Variants in FANK1 observed in about 807,000 individuals in gnomAD.
FANK1 encodes fibronectin type III and ankyrin repeat domains 1.
Under a neutral mutation model 45.3 loss-of-function variants are expected in FANK1, and 44 were observed. That is an observed-to-expected ratio of 0.97 (90% CI 0.76 to 1.25). FANK1 has a LOEUF of 1.25. FANK1 is among the 50% of genes most tolerant of loss of function. FANK1 has a pLI of 0.00. For missense variants in FANK1, 391 were observed against 424.4 expected (o/e 0.92, Z 0.69); for synonymous variants, 149 against 152.5 (o/e 0.98, Z 0.17).
chr10:125,964,676 TA>T (rs1450033977), intron 1 of FANK1, among the ~76,000 whole-genome samples: 2 of 152,226 alleles, frequency 1.3e-5, no homozygotes, highest in Non-Finnish European at 2.9e-5. Context: ...GCCATTTCAG[TA>T]GTTTTCCATT....
In FANK1 at chr10:125,896,591, G is replaced by C; in HGVS notation, c.-52G>C. On this transcript the variant is annotated 5_prime_UTR_variant, in exon 1 of 11. Coordinates refer to ENST00000368693, the MANE Select transcript of FANK1 (RefSeq NM_145235.5). Reference sequence around the variant, plus strand: ...CCGTAGCGACGCCGGCCCTGGCTGAGAGGCGTTAGGAGTCCGGGGGTTCGC... The same window carrying C: ...CCGTAGCGACGCCGGCCCTGGCTGACAGGCGTTAGGAGTCCGGGGGTTCGC... 3 of 1,261,668 alleles carry C rather than the reference G, an allele frequency of 2.4e-6. No individual in the cohort carries two copies. Among genetic ancestry groups the C allele is most frequent in the Non-Finnish European group, 3.0e-6 (3 of 999,962 alleles). The allele number at this position is 1,261,668 out of a possible 1,614,324, so 78.2% of individuals were successfully genotyped here.
chr10:125,942,066 T>C (rs1359861315), intron 1 of FANK1, among the ~76,000 whole-genome samples: 2 of 152,194 alleles, frequency 1.3e-5, no homozygotes, highest in Non-Finnish European at 2.9e-5. Context: ...CACACACCCT[T>C]CTGATGTGAA....
At chr10:125,966,336 T>G (rs1950200203) in intron 1 of FANK1, among the ~76,000 whole-genome samples, 1 of 152,108 alleles carries the variant, frequency 6.6e-6, no homozygotes, top group South Asian at 2.1e-4. Context: ...GACTTGCCTC[T>G]TTATCCCGAG....
At chr10:126,000,477 A>G (rs1414427348) in intron 6 of FANK1, among the ~76,000 whole-genome samples, 1 of 152,240 alleles carries the variant, frequency 6.6e-6, no homozygotes, top group Non-Finnish European at 1.5e-5. Flanking sequence ...TGATAGAAGT[A>G]ACATAAACCA....
chr10:125,968,466 T>C (rs575967105), intron 1 of FANK1, among the ~76,000 whole-genome samples: 71 of 152,348 alleles, frequency 4.7e-4, no homozygotes, highest in African/African-American at 1.7e-3. Context: ...AGATGAGTTT[T>C]GGAAGAGCAG....
intron 1 of FANK1, among the ~76,000 whole-genome samples, chr10:125,927,426 C>A (rs1264964396): frequency 6.6e-6 from 1 of 152,110 alleles, no homozygotes; most frequent in Non-Finnish European, 1.5e-5. Flanking sequence ...TTGCACATGG[C>A]CGTGGTTTGT....
chr10:125,923,889 T>A (rs1199148787), intron 1 of FANK1, among the ~76,000 whole-genome samples: 4 of 152,244 alleles, frequency 2.6e-5, no homozygotes, highest in Non-Finnish European at 5.9e-5. Context: ...TGTGCAAGAT[T>A]GTTTTTTGAC....
intron 8 of FANK1, 132 bp downstream of exon 8, chr10:126,008,682 G>C (rs1953424577): frequency 9.4e-7 from 1 of 1,064,750 alleles, no homozygotes; most frequent in Non-Finnish European, 1.3e-6. Context: ...TGTGTTCCCT[G>C]TCGGCTTGTT....
At chr10:125,897,778 C>T (rs61871921) in intron 1 of FANK1, among the ~76,000 whole-genome samples, 1 of 151,334 alleles carries the variant, frequency 6.6e-6, no homozygotes. Context: ...CATACAAGAA[C>T]GCTAAAATTT....
At chr10:125,903,959 C>T (rs111440181) in intron 1 of FANK1, among the ~76,000 whole-genome samples, 2 of 151,998 alleles carry the variant, frequency 1.3e-5, no homozygotes, top group East Asian at 1.9e-4. Flanking sequence ...AAGCTATTCT[C>T]CTGCCTCAGC....
intron 3 of FANK1, among the ~76,000 whole-genome samples, chr10:125,991,185 G>C (rs73370582): frequency 1.3e-5 from 2 of 152,078 alleles, no homozygotes; most frequent in Non-Finnish European, 2.9e-5. Context: ...TCCTTACAGC[G>C]CCATGGCTTC....
chr10:125,944,037 A>T (rs1396090152), intron 1 of FANK1, among the ~76,000 whole-genome samples: 1 of 152,240 alleles, frequency 6.6e-6, no homozygotes, highest in Non-Finnish European at 1.5e-5. Flanking sequence ...GTTGCTCAGA[A>T]CTTATTTCAT....
chr10:125,996,561 T>G lies in FANK1; in HGVS notation c.410T>G (p.Val137Gly). The G allele has an allele frequency of 1.2e-6, 2 of 1,614,156 alleles. No individual in the cohort carries two copies. Among genetic ancestry groups the G allele is most frequent in the Non-Finnish European group, 1.7e-6 (2 of 1,180,024 alleles). The change falls in exon 5 of 11, where the codon GTT becomes GGT. Residue 137 changes from valine (V) to glycine (G), a missense_variant. Coordinates refer to ENST00000368693, the MANE Select transcript of FANK1 (RefSeq NM_145235.5). ...CTGCTTTTCCCAAGCCGTGTTAAGG[T>G]TGATGTTCCCAATAAGTTTGGCTTT... is the stretch of plus-strand genomic sequence containing the variant. ...VRILQGGRVK[V>G]DVPNKFGFTA...
At chr10:125,942,384 AAG>A (rs1948504883) in intron 1 of FANK1, among the ~76,000 whole-genome samples, 1 of 152,264 alleles carries the variant, frequency 6.6e-6, no homozygotes, top group Non-Finnish European at 1.5e-5. Context: ...CAGAATTTAA[AAG>A]AACAATTTAT....
intron 1 of FANK1, among the ~76,000 whole-genome samples, chr10:125,936,221 A>G (rs1948086128): frequency 6.6e-6 from 1 of 152,168 alleles, no homozygotes; most frequent in Non-Finnish European, 1.5e-5. Context: ...CTAAGACAAT[A>G]ATCCTGATTT....
chr10:125,931,765 G>C (rs1947767244), intron 1 of FANK1, among the ~76,000 whole-genome samples: 1 of 152,092 alleles, frequency 6.6e-6, no homozygotes, highest in Non-Finnish European at 1.5e-5. Context: ...TTGGGTTCTT[G>C]GTCATGAAAT....
At chr10:126,008,352 A>G in intron 7 of FANK1, 55 bp from the exon 8 acceptor site, 6 of 1,520,240 alleles carry the variant, frequency 3.9e-6, no homozygotes, top group Non-Finnish European at 5.3e-6. Context: ...ATAAGTTTGA[A>G]TCATTTTAAG....
At chr10:125,945,796 C>A (rs1397920132) in intron 1 of FANK1, among the ~76,000 whole-genome samples, 1 of 152,238 alleles carries the variant, frequency 6.6e-6, no homozygotes, top group Non-Finnish European at 1.5e-5. Context: ...CCTCTGGGGG[C>A]AGGGCACAGA....
At chr10:125,930,846 T>C (rs1479146701) in intron 1 of FANK1, among the ~76,000 whole-genome samples, 1 of 152,162 alleles carries the variant, frequency 6.6e-6, no homozygotes, top group Non-Finnish European at 1.5e-5. Flanking sequence ...CACCTATTTG[T>C]AATATTTTAT....
Sources: gnomAD v4.1 joint callset for allele counts (sites outside exome capture counted in the v4.1 genomes callset) on GRCh38, gnomAD v4.1.1 for gene constraint, MANE v1.5 for transcripts, NCBI Gene and HGNC (gene_info 2026-07-23, HGNC 2026-07-21) for gene names.